Variants in SMS observed in about 807,000 individuals in gnomAD.
The protein encoded by SMS is spermidine aminopropyltransferase.
A neutral mutation model predicts 33.0 loss-of-function variants in SMS; 3 were observed. That is an observed-to-expected ratio of 0.09 (90% CI 0.04 to 0.23). SMS has a LOEUF of 0.23. Among genes scored for constraint, SMS ranks in the 10% least tolerant of loss-of-function variants. The probability of loss-of-function intolerance (pLI) is 1.00; values close to 1 mark genes in which losing one functional copy is unlikely to be tolerated. For missense variants in SMS, 117 were observed against 288.6 expected (o/e 0.41, Z 4.31); for synonymous variants, 103 against 112.2 (o/e 0.92, Z 0.52).
At chrX:21,977,808 T>A in intron 5 of SMS, 152 bp from the exon 6 acceptor site, 1 of 569,890 alleles carries the variant, frequency 1.8e-6, no homozygotes, top group Non-Finnish European at 3.0e-6. Context: ...AAGTCCTCAA[T>A]GGAAAAAAAG....
At chrX:21,948,471 T>C (rs1922389565) in intron 1 of SMS, among the ~76,000 whole-genome samples, 1 of 82,131 alleles carries the variant, frequency 1.2e-5, no homozygotes, top group East Asian at 3.6e-4. Context: ...AAGTCACTTT[T>C]GCATTTGCAG....
At chrX:21,970,470 C>T (rs1280846928) in intron 2 of SMS, among the ~76,000 whole-genome samples, 2 of 112,141 alleles carry the variant, frequency 1.8e-5, no homozygotes, top group East Asian at 5.6e-4. Flanking sequence ...GAAAGATGAT[C>T]CTCTCATTCT....
At chrX:21,963,022 C>T (rs1450442800) in intron 1 of SMS, among the ~76,000 whole-genome samples, 1 of 111,584 alleles carries the variant, frequency 9.0e-6, no homozygotes, top group Non-Finnish European at 1.9e-5. Context: ...TGAACCTCTG[C>T]AAAGATACAG....
chrX:21,993,569 G>A (rs1190313852), intron 10 of SMS, among the ~76,000 whole-genome samples: 1 of 111,975 alleles, frequency 8.9e-6, no homozygotes, highest in African/African-American at 3.2e-5. Flanking sequence ...CATCAGGCTG[G>A]GGCAGAGCCC....
intron 1 of SMS, among the ~76,000 whole-genome samples, chrX:21,945,415 C>A (rs1316417694): frequency 9.0e-6 from 1 of 111,628 alleles, no homozygotes; most frequent in Non-Finnish European, 1.9e-5. Context: ...TTCACAAATT[C>A]TATAACCTTG....
chrX:21,964,999 C>T (rs913714005), intron 1 of SMS, among the ~76,000 whole-genome samples: 1 of 111,280 alleles, frequency 9.0e-6, no homozygotes, highest in Non-Finnish European at 1.9e-5. Context: ...TTCTGGTGCG[C>T]TTCTAGCTGT....
At chrX:21,986,177 C>T (rs1245763860) in intron 9 of SMS, among the ~76,000 whole-genome samples, 1 of 108,788 alleles carries the variant, frequency 9.2e-6, no homozygotes, top group Non-Finnish European at 1.9e-5. Flanking sequence ...GGTGAAATCC[C>T]GTCTCTACTA....
In SMS at chrX:21,994,792, G is replaced by A; in HGVS notation, c.*441G>A. Reference sequence around the variant, plus strand: ...TAAAATTTGGTGCTTATAAGAGAGAGTTAAAAAAAAATAGGATTGCTTCAA... The same window carrying A: ...TAAAATTTGGTGCTTATAAGAGAGAATTAAAAAAAAATAGGATTGCTTCAA... On this transcript the variant is annotated 3_prime_UTR_variant, in exon 11 of 11. Coordinates refer to ENST00000404933, the MANE Select transcript of SMS (RefSeq NM_004595.5). The A allele has an allele frequency of 1.4e-6, 1 of 730,093 alleles. No individual in the cohort carries two copies. The highest frequency in any genetic ancestry group is 1.6e-6 in the Non-Finnish European group (1 of 630,678). The allele number at this position is 730,093 out of a possible 1,213,427, so 60.2% of individuals were successfully genotyped here. A position where few individuals can be genotyped will look rare whatever the true frequency, so the allele number is the denominator to read the frequency against.
intron 10 of SMS, among the ~76,000 whole-genome samples, chrX:21,993,908 T>G (rs371595929): frequency 2.8e-5 from 3 of 107,581 alleles, no homozygotes; most frequent in Admixed American, 1.0e-4. Context: ...TCCTCCTCCT[T>G]CCCTCTCCTC....
At chrX:21,988,701 G>GCTTTTTTTTTTTTTTTT (rs1569355923) in intron 9 of SMS, among the ~76,000 whole-genome samples, 4 of 96,121 alleles carry the variant, frequency 4.2e-5, no homozygotes, top group Non-Finnish European at 8.5e-5. Context: ...AAGGAGTCAG[G>GCTTTTTTTTTTTTTTTT]TTAAGGGTGG....
intron 9 of SMS, 77 bp from the exon 10 acceptor site, chrX:21,992,520 T>G: frequency 1.7e-6 from 1 of 597,938 alleles, no homozygotes; most frequent in Non-Finnish European, 2.9e-6. Flanking sequence ...ATTGTTCTCC[T>G]TTATTAAAGA....
At chrX:21,972,338 G>A (rs777667010) in intron 3 of SMS, among the ~76,000 whole-genome samples, 169 bp from the exon 4 acceptor site, 2 of 111,593 alleles carry the variant, frequency 1.8e-5, no homozygotes, top group Non-Finnish European at 3.8e-5. Context: ...GGGATAGTTG[G>A]TATGGGAGAG....
At chrX:21,973,636 C>CT (rs908640400) in intron 4 of SMS, among the ~76,000 whole-genome samples, 2 of 113,057 alleles carry the variant, frequency 1.8e-5, no homozygotes, top group African/African-American at 6.4e-5. Context: ...AGGCCACCAA[C>CT]TTTAAGCTGC....
intron 9 of SMS, among the ~76,000 whole-genome samples, chrX:21,986,990 T>C (rs371045449): frequency 1.2e-3 from 94 of 79,512 alleles, no homozygotes; most frequent in Middle Eastern, 7.1e-3. Context: ...GTTGGACTTA[T>C]GATGGTTTTT....
In SMS at chrX:21,941,274, G is replaced by A. The variant is rs750473314; in HGVS notation, c.49+401G>A. On this transcript the variant is annotated intron_variant, in intron 1 of 10. Transcript: ENST00000404933. ...ATGGGACGAGGGTTGCAGGGACTGC[G>A]GCGGAGCGAGGCGTGACCCGCGCGG... 6.5e-3 allele frequency: 1,099 copies of A among 168,698 alleles called. 19 individuals are homozygous for A. Among genetic ancestry groups the A allele is most frequent in the African/African-American group, 0.033 (1,038 of 31,396 alleles). The allele number at this position is 168,698 out of a possible 1,213,427, so 13.9% of individuals were successfully genotyped here. A position where few individuals can be genotyped will look rare whatever the true frequency, so the allele number is the denominator to read the frequency against.
intron 1 of SMS, among the ~76,000 whole-genome samples, chrX:21,966,543 G>A (rs772028851): frequency 9.0e-5 from 10 of 111,261 alleles, no homozygotes; most frequent in Non-Finnish European, 1.5e-4. Flanking sequence ...CAGGAGGATT[G>A]GCTTCTGCGA....
chrX:21,948,179 A>C (rs964847578), intron 1 of SMS, among the ~76,000 whole-genome samples: 1 of 111,127 alleles, frequency 9.0e-6, no homozygotes, highest in African/African-American at 3.3e-5. Flanking sequence ...AGTTATACCG[A>C]TTTCCTTAAA....
At chrX:21,954,322 T>G (rs1922827269) in intron 1 of SMS, among the ~76,000 whole-genome samples, 1 of 111,918 alleles carries the variant, frequency 8.9e-6, no homozygotes, top group Non-Finnish European at 1.9e-5. Flanking sequence ...GACAGAAACC[T>G]GATTTAGCCA....
intron 2 of SMS, among the ~76,000 whole-genome samples, chrX:21,968,742 T>C (rs1465824621): frequency 8.9e-6 from 1 of 112,239 alleles, no homozygotes; most frequent in Non-Finnish European, 1.9e-5. Flanking sequence ...ATATCTGGAC[T>C]GGCTTAGTAT....
Sources: gnomAD v4.1 joint callset for allele counts (sites outside exome capture counted in the v4.1 genomes callset) on GRCh38, gnomAD v4.1.1 for gene constraint, MANE v1.5 for transcripts, NCBI Gene and HGNC (gene_info 2026-07-23, HGNC 2026-07-21) for gene names.